F7: variants seen among roughly 807,000 people sequenced by gnomAD.
F7 encodes FVII coagulation protein.
In F7, 38 loss-of-function variants were observed where a neutral mutation model predicts 47.5. The observed-to-expected ratio is 0.80, with a 90% CI of 0.62 to 1.05. F7 has a LOEUF of 1.05. Among genes scored for constraint, F7 ranks in the 50% least tolerant of loss-of-function variants. The pLI is 0.00. For missense variants in F7, 575 were observed against 605.4 expected, an observed-to-expected ratio of 0.95 and a Z score of 0.53; for synonymous variants, 244 against 258.5, an observed-to-expected ratio of 0.94 and a Z score of 0.54.
In F7 at chr13:113,119,558, C is replaced by T. The variant is rs529590090; in HGVS notation, c.*550C>T. Reference sequence around the variant, plus strand: ...AGATACGCAAACACACCGATGCACACGCACATAGAGATATGCACACACAGA... The same window carrying T: ...AGATACGCAAACACACCGATGCACATGCACATAGAGATATGCACACACAGA... On this transcript the variant is annotated 3_prime_UTR_variant, in exon 8 of 8. Coordinates refer to ENST00000346342, the MANE Select transcript of F7 (RefSeq NM_019616.4). 55 of 179,914 alleles carry T rather than the reference C, an allele frequency of 3.1e-4. No homozygotes were observed. Among genetic ancestry groups the T allele is most frequent in the South Asian group, 2.4e-3 (18 of 7,540 alleles). The allele number at this position is 179,914 out of a possible 1,614,324, so 11.1% of individuals were successfully genotyped here. A position where few individuals can be genotyped will look rare whatever the true frequency, so the allele number is the denominator to read the frequency against.
chr13:113,109,284 T>C (rs1312733254), intron 1 of F7, among the ~76,000 whole-genome samples: 1 of 150,248 alleles, frequency 6.7e-6, no homozygotes, highest in Admixed American at 6.6e-5. Flanking sequence ...TGTCGGGGAC[T>C]GCAGGGACAT....
chr13:113,118,930 C>T lies in F7; in HGVS notation c.1257C>T (p.Ser419=). 1 of 1,611,064 alleles carries T rather than the reference C, an allele frequency of 6.2e-7. No homozygotes were observed. The highest frequency in any genetic ancestry group is 1.1e-5 in the South Asian group (1 of 91,078). Residue 419 remains serine (S), a synonymous_variant, in exon 8 of 8, where the codon TCC becomes TCT. Transcript: ENST00000346342. ...ACTTTGGGGTGTACACCAGGGTCTC[C>T]CAGTACATCGAGTGGCTGCAAAAGC... ...VGHFGVYTRV[S]QYIEWLQKLM... is the part of the protein sequence containing the mutation.
At chr13:113,111,683 G>A (rs1157654628) in intron 2 of F7, among the ~76,000 whole-genome samples, 9 of 45,572 alleles carry the variant, frequency 2.0e-4, no homozygotes, top group African/African-American at 2.8e-4. Flanking sequence ...CACCTCACAC[G>A]GGGCACACTT....
intron 6 of F7, 22 bp from the exon 7 acceptor site, chr13:113,117,451 C>T: frequency 1.2e-6 from 2 of 1,612,830 alleles, no homozygotes; most frequent in South Asian, 1.1e-5. Flanking sequence ...GTGACTTCCA[C>T]ACCTCCTGTC....
At chr13:113,117,056 G>A (rs1045736658) in intron 6 of F7, 181 bp downstream of exon 6, 1 of 661,352 alleles carries the variant, frequency 1.5e-6, no homozygotes, top group East Asian at 3.0e-5. Flanking sequence ...CAAGGAAGGA[G>A]AAAAGAAAAC....
At chr13:113,114,449 C>T (rs1369756744) in intron 4 of F7, 2 of 213,858 alleles carry the variant, frequency 9.4e-6, no homozygotes, top group Non-Finnish European at 1.9e-5. Flanking sequence ...GATACACTCA[C>T]AGGTACCGTT....
At position 113,117,001 on chromosome 13, in the gene F7, C is replaced by A; in HGVS notation, c.615+126C>A. The A allele has an allele frequency of 5.1e-6, 4 of 781,552 alleles. No homozygotes were observed. In the South Asian group the frequency reaches 5.6e-5, roughly 11 times the overall value. The allele number at this position is 781,552 out of a possible 1,614,324, so 48.4% of individuals were successfully genotyped here. ...AAGCCCACCAGGCTCCAAGTCAGCA[C>A]ACCTAGCACCTCCAGCTCGCGGCAC... On this transcript the variant is annotated intron_variant, in intron 6 of 7. Coordinates refer to ENST00000346342, the MANE Select transcript of F7 (RefSeq NM_019616.4).
intron 6 of F7, 116 bp downstream of exon 6, chr13:113,116,991 C>A: frequency 1.2e-6 from 1 of 824,514 alleles, no homozygotes; most frequent in Non-Finnish European, 2.1e-6. Context: ...CACCAGGCTC[C>A]AAGTCAGCAC....
At chr13:113,114,132 T>C (rs1031024510) in intron 4 of F7, among the ~76,000 whole-genome samples, 172 bp downstream of exon 4, 1 of 152,146 alleles carries the variant, frequency 6.6e-6, no homozygotes, top group Non-Finnish European at 1.5e-5. Flanking sequence ...CCTTCCAGTC[T>C]GAGGTCTTTG....
At chr13:113,118,116 G>A (rs976801177) in intron 7 of F7, among the ~76,000 whole-genome samples, 4 of 152,294 alleles carry the variant, frequency 2.6e-5, no homozygotes, top group Non-Finnish European at 4.4e-5. Flanking sequence ...CCACTGGGCC[G>A]GGAAGAACTG....
intron 5 of F7, 84 bp from the exon 6 acceptor site, chr13:113,116,680 CAG>C: frequency 8.9e-7 from 1 of 1,127,688 alleles, no homozygotes; most frequent in Non-Finnish European, 1.4e-6. Context: ...CAAGGCCTCT[CAG>C]AGGATGGGTG....
chr13:113,118,730 C>T lies in F7; in HGVS notation c.1057C>T (p.Arg353Trp), dbSNP rs137919286. Reference sequence around the variant, plus strand: ...GACCCAGGACTGCCTGCAGCAGTCACGGAAGGTGGGAGACTCCCCAAATAT... The same window carrying T: ...GACCCAGGACTGCCTGCAGCAGTCATGGAAGGTGGGAGACTCCCCAAATAT... ...LMTQDCLQQS[R>W]KVGDSPNITE... Residue 353 changes from arginine (R) to tryptophan (W), a missense_variant, in exon 8 of 8, where the codon CGG becomes TGG. Coordinates refer to ENST00000346342, the MANE Select transcript of F7 (RefSeq NM_019616.4). 1.8e-4 allele frequency: 284 copies of T among 1,613,086 alleles called. No homozygotes were observed. The African/African-American group carries it at 3.0e-3, about 17-fold the overall frequency.
rs775527313 is a variant in F7 at position 113,118,844 on chromosome 13, C to A, written c.1171C>A (p.Arg391=). The A allele has an allele frequency of 5.0e-6, 8 of 1,612,746 alleles. No homozygotes were observed. Among genetic ancestry groups the A allele is most frequent in the Admixed American group, 3.3e-5 (2 of 59,984 alleles). ...TGGAGGCCCACATGCCACCCACTAC[C>A]GGGGCACGTGGTACCTGACGGGCAT... is the stretch of plus-strand genomic sequence containing the variant. ...DSGGPHATHY[R]GTWYLTGIVS... The change falls in exon 8 of 8, where the codon CGG becomes AGG. Residue 391 remains arginine, a synonymous_variant. Coordinates refer to ENST00000346342, the MANE Select transcript of F7 (RefSeq NM_019616.4).
intron 2 of F7, among the ~76,000 whole-genome samples, chr13:113,111,262 C>G (rs2036088570): frequency 1.3e-5 from 2 of 152,190 alleles, no homozygotes; most frequent in African/African-American, 4.8e-5. Flanking sequence ...GCGGCACCTC[C>G]TCAGGGCACG....
Position 113,118,652 on chromosome 13 carries a change from G to C in F7, c.979G>C (p.Asp327His). 1 of 1,612,902 alleles carries C rather than the reference G, an allele frequency of 6.2e-7. No homozygotes were observed. Among genetic ancestry groups the C allele is most frequent in the South Asian group, 1.1e-5 (1 of 91,070 alleles). The change falls in exon 8 of 8, where the codon GAC becomes CAC. Residue 327 changes from aspartate to histidine, a missense_variant. Coordinates refer to ENST00000346342, the MANE Select transcript of F7 (RefSeq NM_019616.4). ...SLVSGWGQLL[D>H]RGATALELMV... ...GGTCAGCGGCTGGGGCCAGCTGCTG[G>C]ACCGTGGCGCCACGGCCCTGGAGCT...
chr13:113,114,055 G>C lies in F7; in HGVS notation c.364+95G>C, dbSNP rs997137999. 5 of 1,327,252 alleles carry C rather than the reference G, an allele frequency of 3.8e-6. No individual in the cohort carries two copies. In the African/African-American group the frequency reaches 5.8e-5, roughly 15 times the overall value. 82.2% of individuals were successfully genotyped at this position (1,327,252 alleles called of 1,614,324 possible). Reference sequence around the variant, plus strand: ...CGGGCTGCAGGGTGCACAACCTGGTGGGGTGTGTAGGCCGGGCATTCAGGG... The same window carrying C: ...CGGGCTGCAGGGTGCACAACCTGGTCGGGTGTGTAGGCCGGGCATTCAGGG... On this transcript the variant is annotated intron_variant, in intron 4 of 7. Transcript: ENST00000346342.
At chr13:113,114,722 G>A (rs1054805294) in intron 4 of F7, 8 of 153,576 alleles carry the variant, frequency 5.2e-5, no homozygotes, top group Admixed American at 1.9e-4. Flanking sequence ...CCGATAGTGC[G>A]GCCCAAGGCC....
intron 1 of F7, among the ~76,000 whole-genome samples, chr13:113,108,529 C>G (rs868631761): frequency 1.1e-4 from 1 of 8,960 alleles, no homozygotes; most frequent in Non-Finnish European, 2.0e-4. Context: ...GTGGGTGTCC[C>G]GGGGGCGTGG....
In F7 at chr13:113,118,843, C is replaced by T; in HGVS notation, c.1170C>T (p.Tyr390=). 3 of 1,612,828 alleles carry T rather than the reference C, an allele frequency of 1.9e-6. No homozygotes were observed. Among genetic ancestry groups the T allele is most frequent in the Non-Finnish European group, 1.7e-6 (2 of 1,179,978 alleles). Residue 390 remains tyrosine (Y), a synonymous_variant, in exon 8 of 8, where the codon TAC becomes TAT. Transcript: ENST00000346342. ...GTGGAGGCCCACATGCCACCCACTACCGGGGCACGTGGTACCTGACGGGCA... is the reference window on the plus strand; with the variant it reads ...GTGGAGGCCCACATGCCACCCACTATCGGGGCACGTGGTACCTGACGGGCA... ...GDSGGPHATH[Y]RGTWYLTGIV...
Sources: gnomAD v4.1 joint callset for allele counts (sites outside exome capture counted in the v4.1 genomes callset) on GRCh38, gnomAD v4.1.1 for gene constraint, MANE v1.5 for transcripts, NCBI Gene and HGNC (gene_info 2026-07-23, HGNC 2026-07-21) for gene names.